Variants in ATRX observed in about 807,000 individuals in gnomAD.
ATRX encodes ATRX chromatin remodeler.
A neutral mutation model predicts 172.6 loss-of-function variants in ATRX; 12 were observed. That is an observed-to-expected ratio of 0.07 (90% CI 0.04 to 0.11). The LOEUF is 0.11. Among genes scored for constraint, ATRX ranks in the 10% least tolerant of loss-of-function variants. ATRX has a pLI of 1.00. For missense variants in ATRX, 1,368 were observed against 1,767.4 expected (o/e 0.77, Z 4.05); for synonymous variants, 674 against 594.7 (o/e 1.13, Z -1.94).
Position 77,522,242 on chromosome X carries a change from CT to C in ATRX, c.6975+20del, listed in dbSNP as rs1557041756. On this transcript the variant is annotated intron_variant, in intron 32 of 34. Coordinates refer to ENST00000373344, the MANE Select transcript of ATRX (RefSeq NM_000489.6). ...ATTGCCTTTAATTCATGTCAAACTA[CT>C]TTTGTACTTCACAACTCACCTCCAG... 1 of 1,210,118 alleles carries C rather than the reference CT, an allele frequency of 8.3e-7. No individual in the cohort carries two copies. Among genetic ancestry groups the C allele is most frequent in the South Asian group, 1.8e-5 (1 of 56,946 alleles).
intron 1 of ATRX, among the ~76,000 whole-genome samples, chrX:77,776,671 G>T (rs2076361838): frequency 8.9e-6 from 1 of 112,129 alleles, no homozygotes; most frequent in Admixed American, 9.5e-5. Flanking sequence ...CTTTGAAAAA[G>T]ACCTGAAGTT....
At chrX:77,638,351 T>C (rs2068497038) in intron 15 of ATRX, among the ~76,000 whole-genome samples, 1 of 112,731 alleles carries the variant, frequency 8.9e-6, no homozygotes, top group Admixed American at 9.3e-5. Flanking sequence ...CGCGCGCCTA[T>C]AGTCCCAGCT....
chrX:77,629,280 A>G (rs1557104589), intron 19 of ATRX, among the ~76,000 whole-genome samples: 1 of 112,508 alleles, frequency 8.9e-6, no homozygotes, highest in East Asian at 2.8e-4. Context: ...GAGAAGATAA[A>G]TTGGGCATAA....
At chrX:77,711,777 G>A (rs1332181252) in intron 2 of ATRX, among the ~76,000 whole-genome samples, 1 of 112,382 alleles carries the variant, frequency 8.9e-6, no homozygotes, top group Non-Finnish European at 1.9e-5. Context: ...GGAAGTTGCT[G>A]TGAGCTGAGA....
At chrX:77,694,483 A>G (rs2148671505) in intron 5 of ATRX, among the ~76,000 whole-genome samples, 1 of 111,321 alleles carries the variant, frequency 9.0e-6, no homozygotes, top group African/African-American at 3.3e-5. Flanking sequence ...TGGTATGTCA[A>G]AGTTTCACTA....
chrX:77,739,553 G>C (rs1242406118), intron 1 of ATRX, among the ~76,000 whole-genome samples: 2 of 110,415 alleles, frequency 1.8e-5, no homozygotes, highest in African/African-American at 6.6e-5. Flanking sequence ...AATAAGTACA[G>C]CAACTAAACA....
intron 1 of ATRX, among the ~76,000 whole-genome samples, chrX:77,779,346 C>T (rs1396517392): frequency 9.1e-6 from 1 of 110,075 alleles, no homozygotes; most frequent in Non-Finnish European, 1.9e-5. Flanking sequence ...GCATTTATCA[C>T]TTTATATCTT....
At chrX:77,600,845 T>C (rs899115809) in intron 22 of ATRX, 4 of 222,284 alleles carry the variant, frequency 1.8e-5, no homozygotes, top group Admixed American at 1.3e-4. Context: ...GTTTAATAAA[T>C]ACCTAAAATT....
At chrX:77,748,772 A>G (rs998897325) in intron 1 of ATRX, among the ~76,000 whole-genome samples, 3 of 109,364 alleles carry the variant, frequency 2.7e-5, no homozygotes, top group African/African-American at 1.0e-4. Flanking sequence ...TTTTTAGTAG[A>G]GATGGGATTT....
intron 28 of ATRX, among the ~76,000 whole-genome samples, chrX:77,565,788 G>A (rs1465796253): frequency 2.7e-5 from 3 of 110,474 alleles, no homozygotes; most frequent in African/African-American, 9.9e-5. Flanking sequence ...CCTGGAAGGT[G>A]GAGTGTGCAG....
chrX:77,623,111 AAAC>A lies in ATRX; in HGVS notation c.5135-2582_5135-2580del, dbSNP rs782324588. Among the ~76,000 whole-genome samples the A allele has an allele frequency of 3.8e-4, 42 of 111,896 alleles. No individual in the cohort carries two copies. In the Admixed American group the frequency reaches 3.9e-3, roughly 10 times the overall value. ...AAACAAAAAATACAAAAGATAAATG[AAAC>A]AATAAGCTAGTTCCTTGAAAAGATA... On this transcript the variant is annotated intron_variant, in intron 19 of 34. Coordinates refer to ENST00000373344, the MANE Select transcript of ATRX (RefSeq NM_000489.6).
At position 77,605,712 on chromosome X, in the gene ATRX, G is replaced by C. The variant is rs35327701; in HGVS notation, c.5567-5148C>G. Among the ~76,000 whole-genome samples, 811 of 111,492 alleles carry C rather than the reference G, an allele frequency of 7.3e-3. 4 individuals carry two copies. The highest frequency in any genetic ancestry group is 0.011 in the Non-Finnish European group (598 of 53,068). On this transcript the variant is annotated intron_variant, in intron 22 of 34. Transcript: ENST00000373344. ...AAAACCATAGGCCAATATCACTGATGAACATAGATATTAAAACCCTCAATA... is the reference window on the plus strand; with the variant it reads ...AAAACCATAGGCCAATATCACTGATCAACATAGATATTAAAACCCTCAATA...
At chrX:77,728,397 G>GT (rs781996964) in intron 1 of ATRX, among the ~76,000 whole-genome samples, 40 of 111,695 alleles carry the variant, frequency 3.6e-4, no homozygotes, top group South Asian at 1.8e-3. Context: ...CTTTTGGTTA[G>GT]TAATTAAATA....
chrX:77,737,232 G>A (rs2074615481), intron 1 of ATRX, among the ~76,000 whole-genome samples: 1 of 110,204 alleles, frequency 9.1e-6, no homozygotes, highest in Admixed American at 9.7e-5. Context: ...ATAGCAGCCT[G>A]GCCAACATGG....
At chrX:77,676,804 G>T (rs2070891058) in intron 9 of ATRX, among the ~76,000 whole-genome samples, 1 of 112,588 alleles carries the variant, frequency 8.9e-6, no homozygotes, top group Non-Finnish European at 1.9e-5. Flanking sequence ...CTTATAAAAA[G>T]CTGCATTTCT....
chrX:77,579,801 T>C (rs2065763902), intron 27 of ATRX, among the ~76,000 whole-genome samples: 1 of 111,946 alleles, frequency 8.9e-6, no homozygotes, highest in African/African-American at 3.3e-5. Context: ...AAATATGACC[T>C]CATCAAATGA....
intron 1 of ATRX, among the ~76,000 whole-genome samples, chrX:77,736,819 G>T (rs1557179331): frequency 1.8e-5 from 2 of 111,740 alleles, no homozygotes; most frequent in African/African-American, 6.5e-5. Context: ...TGCAACCTAA[G>T]TATCCATCAA....
chrX:77,585,583 CAAAAAAAAAAAA>C (rs781792876), intron 27 of ATRX, among the ~76,000 whole-genome samples: 22 of 8,541 alleles, frequency 2.6e-3, no homozygotes, highest in South Asian at 8.7e-3. Context: ...CTCCCCCCAC[CAAAAAAAAAAAA>C]AAAAAAAAAA....
intron 30 of ATRX, among the ~76,000 whole-genome samples, chrX:77,546,389 T>C (rs1450270412): frequency 9.0e-6 from 1 of 111,716 alleles, no homozygotes; most frequent in Non-Finnish European, 1.9e-5. Context: ...ATTATACTAC[T>C]ACATACCTTG....
Sources: gnomAD v4.1 joint callset for allele counts (sites outside exome capture counted in the v4.1 genomes callset) on GRCh38, gnomAD v4.1.1 for gene constraint, MANE v1.5 for transcripts, NCBI Gene and HGNC (gene_info 2026-07-23, HGNC 2026-07-21) for gene names.